JARID2: variants seen among roughly 807,000 people sequenced by gnomAD.
JARID2 encodes protein Jumonji.
In JARID2, 21 loss-of-function variants were observed where a neutral mutation model predicts 125.6. The ratio of observed to expected loss-of-function variants is 0.17; its 90% confidence interval spans 0.12 to 0.24. JARID2 has a LOEUF of 0.24. Among genes scored for constraint, JARID2 ranks in the 10% least tolerant of loss-of-function variants. The pLI is 1.00. For missense variants in JARID2, 1,303 were observed against 1,639.6 expected (o/e 0.79, Z 3.55); for synonymous variants, 736 against 661.6 (o/e 1.11, Z -1.73).
chr6:15,318,779 G>T (rs192366700), intron 1 of JARID2, among the ~76,000 whole-genome samples: 1 of 152,324 alleles, frequency 6.6e-6, no homozygotes. Context: ...TTCCCGGATT[G>T]CTCAGGATGT....
chr6:15,416,288 C>T (rs1457490294), intron 3 of JARID2, among the ~76,000 whole-genome samples: 5 of 152,166 alleles, frequency 3.3e-5, no homozygotes, highest in South Asian at 2.1e-4. Flanking sequence ...GACGGGGTGG[C>T]GGCCGGGCAG....
At chr6:15,300,515 C>A (rs1249340327) in intron 1 of JARID2, among the ~76,000 whole-genome samples, 2 of 152,140 alleles carry the variant, frequency 1.3e-5, no homozygotes, top group Non-Finnish European at 2.9e-5. Flanking sequence ...ACCCGTAATT[C>A]ATGAGCTTGC....
rs116335847 is a variant in JARID2, at chr6:15,441,554, A to G, written c.324-10452A>G. On this transcript the variant is annotated intron_variant, in intron 3 of 17. Transcript: ENST00000341776. ...CCTTTAAATGAAGAAAATTTCTGTT[A>G]GTGAACTTACTGCATGAGAGGGAGG... Among the ~76,000 whole-genome samples the G allele has an allele frequency of 3.0e-3, 450 of 152,274 alleles. 4 individuals are homozygous for G. Among genetic ancestry groups the G allele is most frequent in the Middle Eastern group, 0.01 (3 of 294 alleles).
At chr6:15,333,614 C>T (rs1406467087) in intron 1 of JARID2, among the ~76,000 whole-genome samples, 2 of 152,100 alleles carry the variant, frequency 1.3e-5, no homozygotes, top group African/African-American at 4.8e-5. Context: ...TTTGTGTGTA[C>T]AATTCGGTGG....
chr6:15,418,883 C>G (rs1358174114), intron 3 of JARID2, among the ~76,000 whole-genome samples: 1 of 152,176 alleles, frequency 6.6e-6, no homozygotes, highest in African/African-American at 2.4e-5. Flanking sequence ...GTCTGCACGA[C>G]TGTGTTCCTT....
chr6:15,293,864 G>A (rs940418603), intron 1 of JARID2, among the ~76,000 whole-genome samples: 3 of 152,254 alleles, frequency 2.0e-5, no homozygotes, highest in Non-Finnish European at 4.4e-5. Flanking sequence ...CAAAAGGGTT[G>A]CATGCAGGCC....
chr6:15,501,988 A>G (rs1352439606), intron 8 of JARID2, among the ~76,000 whole-genome samples: 1 of 151,864 alleles, frequency 6.6e-6, no homozygotes, highest in Non-Finnish European at 1.5e-5. Flanking sequence ...TCTGTTTTCT[A>G]TCCGCTCACC....
chr6:15,253,809 G>C (rs1212065388), intron 1 of JARID2, among the ~76,000 whole-genome samples: 1 of 152,168 alleles, frequency 6.6e-6, no homozygotes, highest in African/African-American at 2.4e-5. Context: ...AGAGGACTCA[G>C]TCAATTCTGA....
chr6:15,416,750 CTT>C (rs990472675), intron 3 of JARID2, among the ~76,000 whole-genome samples: 2 of 150,962 alleles, frequency 1.3e-5, no homozygotes, highest in Middle Eastern at 3.2e-3. Flanking sequence ...GAGGGGCTAA[CTT>C]ATATTGTTTA....
At chr6:15,493,160 A>G (rs1186813849) in intron 6 of JARID2, among the ~76,000 whole-genome samples, 2 of 151,684 alleles carry the variant, frequency 1.3e-5, no homozygotes, top group African/African-American at 4.8e-5. Flanking sequence ...CTTATTTGAG[A>G]TAGAATATGA....
chr6:15,499,000 C>T (rs181535887), intron 7 of JARID2, among the ~76,000 whole-genome samples: 26 of 152,276 alleles, frequency 1.7e-4, no homozygotes, highest in South Asian at 4.2e-4. Context: ...GTAGTGACAG[C>T]GCCTTTTGTT....
chr6:15,468,106 A>G (rs934894095), intron 4 of JARID2, among the ~76,000 whole-genome samples: 3 of 151,838 alleles, frequency 2.0e-5, no homozygotes, highest in African/African-American at 7.3e-5. Context: ...TTCCTTATGA[A>G]TACAACACAG....
At position 15,420,430 on chromosome 6, in the gene JARID2, C is replaced by G. The variant is rs182564160; in HGVS notation, c.323+10065C>G. Among the ~76,000 whole-genome samples the G allele has an allele frequency of 1.8e-4, 28 of 151,754 alleles. No homozygotes were observed. In the East Asian group the frequency reaches 5.4e-3, roughly 29 times the overall value. The stretch of plus-strand genomic sequence containing the variant: ...AAAAAAAAAGAAGTTAGATTTTGGT[C>G]TTTCCATAATCTTCAGTGTCTCTAG... On this transcript the variant is annotated intron_variant, in intron 3 of 17. Transcript: ENST00000341776.
intron 1 of JARID2, among the ~76,000 whole-genome samples, chr6:15,351,612 C>T (rs566946482): frequency 1.1e-4 from 17 of 152,206 alleles, no homozygotes; most frequent in Admixed American, 9.2e-4. Flanking sequence ...ACAAGGCTAC[C>T]GACTTGCACC....
chr6:15,353,563 G>A (rs997909659), intron 1 of JARID2, among the ~76,000 whole-genome samples: 1 of 152,098 alleles, frequency 6.6e-6, no homozygotes, highest in African/African-American at 2.4e-5. Context: ...AATTGATCGT[G>A]GTGAATTAAG....
chr6:15,421,417 A>C (rs1413930415), intron 3 of JARID2, among the ~76,000 whole-genome samples: 1 of 152,138 alleles, frequency 6.6e-6, no homozygotes, highest in Non-Finnish European at 1.5e-5. Context: ...TCTTTAAAAA[A>C]AAAAAAAGGT....
intron 7 of JARID2, among the ~76,000 whole-genome samples, chr6:15,500,211 G>A (rs1770666530): frequency 6.6e-6 from 1 of 152,152 alleles, no homozygotes. Context: ...TGATCAGGAG[G>A]GGCACTGAGC....
chr6:15,434,967 C>G (rs1452199101), intron 3 of JARID2, among the ~76,000 whole-genome samples: 2 of 152,138 alleles, frequency 1.3e-5, no homozygotes, highest in East Asian at 3.8e-4. Context: ...TTTCTAGAAG[C>G]TCTGTTTGGT....
At position 15,473,514 on chromosome 6, in the gene JARID2, G is replaced by GCCGCCCCCCCC. The variant is rs1451318951; in HGVS notation, c.670+4798_670+4799insGCCCCCCCCCC. Reference sequence around the variant, plus strand: ...GTCTCCCTTGTCTTCTGATGTGCGTGCCCCCCCCCCCCCCCCGCTTTGTGT... The same window carrying GCCGCCCCCCCC: ...GTCTCCCTTGTCTTCTGATGTGCGTGCCGCCCCCCCCCCCCCCCCCCCCCCCCGCTTTGTGT... On this transcript the variant is annotated intron_variant, in intron 5 of 17. Transcript: ENST00000341776. Among the ~76,000 whole-genome samples the GCCGCCCCCCCC allele has an allele frequency of 2.3e-4, 8 of 35,000 alleles. 2 individuals carry two copies. The highest frequency in any genetic ancestry group is 5.7e-4 in the African/African-American group (8 of 13,924). 23.0% of individuals were successfully genotyped at this position (35,000 alleles called of 152,430 possible). A position where few individuals can be genotyped will look rare whatever the true frequency, so the allele number is the denominator to read the frequency against.
Sources: allele counts gnomAD v4.1 joint callset (sites outside exome capture counted in the v4.1 genomes callset), GRCh38; gene constraint gnomAD v4.1.1; transcripts MANE v1.5; gene names NCBI Gene and HGNC (gene_info 2026-07-23, HGNC 2026-07-21).